Variants in METTL9 observed in about 807,000 individuals in gnomAD.
METTL9 encodes protein-L-histidine N-pros-methyltransferase.
In METTL9, 10 loss-of-function variants were observed where a neutral mutation model predicts 36.0. The ratio of observed to expected loss-of-function variants is 0.28; its 90% CI spans 0.17 to 0.47. The LOEUF (loss-of-function observed/expected upper bound fraction) is 0.47, where lower values mean the gene tolerates loss of function less well. METTL9 is among the 20% of genes least tolerant of loss of function. METTL9 has a pLI of 0.99. For synonymous variants in METTL9, 175 were observed against 149.7 expected (o/e 1.17, Z -1.23); for missense variants, 246 against 383.5 (o/e 0.64, Z 3.00).
chr16:21,611,379 G>T (rs903339923), intron 1 of METTL9, among the ~76,000 whole-genome samples: 3 of 152,166 alleles, frequency 2.0e-5, no homozygotes, highest in African/African-American at 7.2e-5. Flanking sequence ...TACCAATTGT[G>T]CAAGCACTTA....
At chr16:21,637,852 C>T (rs1013227090) in intron 4 of METTL9, among the ~76,000 whole-genome samples, 8 of 152,370 alleles carry the variant, frequency 5.3e-5, no homozygotes, top group Middle Eastern at 3.4e-3. Context: ...GCGGTCAGAG[C>T]GGACACCGAG....
chr16:21,635,834 T>G (rs1234021180), intron 4 of METTL9, among the ~76,000 whole-genome samples: 1 of 152,138 alleles, frequency 6.6e-6, no homozygotes, highest in African/African-American at 2.4e-5. Context: ...CCCCGGACCC[T>G]GCTAATTGGA....
At chr16:21,644,750 A>G (rs1324002525) in intron 4 of METTL9, among the ~76,000 whole-genome samples, 1 of 152,222 alleles carries the variant, frequency 6.6e-6, no homozygotes, top group African/African-American at 2.4e-5. Context: ...CTTTTGGTAG[A>G]AACGGTTTAC....
intron 4 of METTL9, chr16:21,639,479 G>C (rs975609418): frequency 1.3e-5 from 2 of 152,318 alleles, no homozygotes; most frequent in African/African-American, 4.8e-5. Flanking sequence ...GTCTGGCTTA[G>C]AAGCTCATTA....
At chr16:21,601,652 AAAG>A (rs1292377026) in intron 1 of METTL9, among the ~76,000 whole-genome samples, 4 of 152,144 alleles carry the variant, frequency 2.6e-5, no homozygotes, top group Non-Finnish European at 5.9e-5. Context: ...GTACCTTTTA[AAAG>A]CTGAATCTGT....
intron 4 of METTL9, among the ~76,000 whole-genome samples, chr16:21,638,240 C>T (rs1219546424): frequency 6.6e-6 from 1 of 152,174 alleles, no homozygotes; most frequent in Non-Finnish European, 1.5e-5. Flanking sequence ...ATCACTTGAA[C>T]CCTGGAGGCA....
intron 3 of METTL9, among the ~76,000 whole-genome samples, chr16:21,618,991 C>A (rs1253661531): frequency 6.6e-6 from 1 of 152,098 alleles, no homozygotes. Flanking sequence ...AGCCACTGCG[C>A]CTGGCCCAAA....
chr16:21,629,111 CT>C (rs1965882332), intron 4 of METTL9, among the ~76,000 whole-genome samples: 1 of 152,082 alleles, frequency 6.6e-6, no homozygotes, highest in South Asian at 2.1e-4. Context: ...CCAGGCTGAT[CT>C]TGAACTCCTG....
chr16:21,621,151 T>A lies in METTL9; in HGVS notation c.566+3077T>A, dbSNP rs147349133. Reference sequence around the variant, plus strand: ...TATCTGGCTAATTTGAGAGAGAGAGTGTGTGTGTGTGTGTGTGTGTGTGTT... The same window carrying A: ...TATCTGGCTAATTTGAGAGAGAGAGAGTGTGTGTGTGTGTGTGTGTGTGTT... On this transcript the variant is annotated intron_variant, in intron 3 of 4. Coordinates refer to ENST00000358154, the MANE Select transcript of METTL9 (RefSeq NM_016025.5). Among the ~76,000 whole-genome samples the A allele has an allele frequency of 7.0e-3, 1,014 of 144,466 alleles. 8 individuals carry two copies. The highest frequency in any genetic ancestry group is 0.019 in the African/African-American group (750 of 39,184). 94.8% of individuals were successfully genotyped at this position (144,466 alleles called of 152,430 possible). A position where few individuals can be genotyped will look rare whatever the true frequency, so the allele number is the denominator to read the frequency against.
chr16:21,613,847 T>G (rs903625683), intron 2 of METTL9, among the ~76,000 whole-genome samples: 8 of 131,868 alleles, frequency 6.1e-5, no homozygotes, highest in African/African-American at 2.4e-4. Context: ...TTTTTTTTTT[T>G]CAATCCTTTC....
intron 4 of METTL9, among the ~76,000 whole-genome samples, chr16:21,630,479 G>A (rs1051655452): frequency 2.6e-5 from 4 of 152,200 alleles, no homozygotes; most frequent in Admixed American, 6.5e-5. Context: ...GAGAGCGAGC[G>A]AGGGCTGCTA....
chr16:21,641,537 T>C, intron 4 of METTL9: 1 of 1,579,456 alleles, frequency 6.3e-7, no homozygotes, highest in Non-Finnish European at 8.7e-7. Context: ...AACGTTTCTA[T>C]GGCCTTTCAT....
intron 1 of METTL9, among the ~76,000 whole-genome samples, chr16:21,608,672 G>C (rs905769147): frequency 2.0e-5 from 3 of 152,150 alleles, no homozygotes; most frequent in Non-Finnish European, 4.4e-5. Context: ...ACTGTAACCT[G>C]ATGGATAGGC....
intron 3 of METTL9, among the ~76,000 whole-genome samples, chr16:21,619,895 ATCAC>A (rs1965652635): frequency 6.6e-6 from 1 of 152,150 alleles, no homozygotes; most frequent in Admixed American, 6.5e-5. Flanking sequence ...AAATTATGTA[ATCAC>A]TCACTTTCCT....
At chr16:21,631,797 T>G (rs917181361) in intron 4 of METTL9, among the ~76,000 whole-genome samples, 1 of 152,122 alleles carries the variant, frequency 6.6e-6, no homozygotes, top group South Asian at 2.1e-4. Flanking sequence ...GGTATTGGAG[T>G]GTTACAGGGT....
intron 4 of METTL9, among the ~76,000 whole-genome samples, chr16:21,629,992 G>T (rs915435991): frequency 2.0e-5 from 3 of 152,144 alleles, no homozygotes; most frequent in African/African-American, 7.2e-5. Flanking sequence ...GACACAGAAC[G>T]CTGACTGGTG....
chr16:21,628,870 T>C (rs1390950090), intron 4 of METTL9, among the ~76,000 whole-genome samples: 1 of 151,210 alleles, frequency 6.6e-6, no homozygotes, highest in African/African-American at 2.4e-5. Context: ...TTGAAGTTGC[T>C]GTTGTTTGGC....
In METTL9 at chr16:21,612,642, T is replaced by A; in HGVS notation, c.166-3T>A. The A allele has an allele frequency of 7.2e-7, 1 of 1,381,676 alleles. No individual in the cohort carries two copies. Among genetic ancestry groups the A allele is most frequent in the Non-Finnish European group, 9.4e-7 (1 of 1,062,620 alleles). The allele number at this position is 1,381,676 out of a possible 1,614,324, so 85.6% of individuals were successfully genotyped here. The stretch of plus-strand genomic sequence containing the variant: ...TTTGTTCTTTTTTTTTTTTTTTTTT[T>A]AGTGGTATGTGTGCAACAGAGAGAA... On this transcript the variant is annotated splice_polypyrimidine_tract_variant and splice_region_variant and intron_variant, in intron 1 of 4. Transcript: ENST00000358154.
At position 21,655,437 on chromosome 16, in the gene METTL9, G is replaced by A. The variant is rs1256380845; in HGVS notation, c.*5G>A. 8.7e-6 allele frequency: 14 copies of A among 1,612,146 alleles called. No homozygotes were observed. Among genetic ancestry groups the A allele is most frequent in the East Asian group, 4.5e-5 (2 of 44,866 alleles). On this transcript the variant is annotated 3_prime_UTR_variant, in exon 5 of 5. Coordinates refer to ENST00000358154, the MANE Select transcript of METTL9 (RefSeq NM_016025.5). ...TTTGTTCTCAAACCAGTATAAACACGTGGAGGTCGAAGTCTTCAGAGTCCG... is the reference window on the plus strand; with the variant it reads ...TTTGTTCTCAAACCAGTATAAACACATGGAGGTCGAAGTCTTCAGAGTCCG...
Sources: gnomAD v4.1 joint callset for allele counts (sites outside exome capture counted in the v4.1 genomes callset) on GRCh38, gnomAD v4.1.1 for gene constraint, MANE v1.5 for transcripts, NCBI Gene and HGNC (gene_info 2026-07-23, HGNC 2026-07-21) for gene names.